DUS3L: variants seen among roughly 807,000 people sequenced by gnomAD.
The protein encoded by DUS3L is tRNA-dihydrouridine(47) synthase [NAD(P)(+)]-like.
DUS3L carries 62 observed loss-of-function variants against 74.6 expected under a neutral mutation model. That is an observed-to-expected ratio of 0.83 (90% CI 0.68 to 1.03). The LOEUF is 1.03. DUS3L is among the 50% of genes least tolerant of loss of function. DUS3L has a pLI of 0.00. For missense variants in DUS3L, 884 were observed against 924.4 expected (o/e 0.96, Z 0.57); for synonymous variants, 433 against 395.7 (o/e 1.09, Z -1.12).
Position 5,788,121 on chromosome 19 carries a change from CAT to C in DUS3L, c.996_997del (p.Cys333TrpfsTer26), listed in dbSNP as rs780552701. 64 of 1,613,624 alleles carry C rather than the reference CAT, an allele frequency of 4.0e-5. No individual in the cohort carries two copies. The highest frequency in any genetic ancestry group is 7.7e-5 in the South Asian group (7 of 91,096). Reference sequence around the variant, plus strand: ...GTTGGTGCAGACGGCCATCTCTCCACATGTCACATCCGCCCCGAAGCGCTTGC... The same window carrying C: ...GTTGGTGCAGACGGCCATCTCTCCACGTCACATCCGCCCCGAAGCGCTTGC... On this transcript the variant is annotated frameshift_variant, in exon 5 of 13. Transcript: ENST00000309061. LOFTEE classifies it high-confidence loss of function.
At chr19:5,791,007 A>G in intron 1 of DUS3L, 37 bp downstream of exon 1, 2 of 1,557,656 alleles carry the variant, frequency 1.3e-6, no homozygotes, top group Non-Finnish European at 1.7e-6. Context: ...GGTGCCGGAA[A>G]AGGCCCTTCA....
At position 5,789,411 on chromosome 19, in the gene DUS3L, C is replaced by T; in HGVS notation, c.696G>A (p.Leu232=). The T allele has an allele frequency of 6.3e-7, 1 of 1,595,782 alleles. No individual in the cohort carries two copies. The highest frequency in any genetic ancestry group is 1.1e-5 in the South Asian group (1 of 89,834). ...EVRFERAEQA[L]RRFSQGPTPA... ...GTGTGGGGCCCTGGCTGAACCGGCG[C>T]AGGGCCTGCTCAGCTCGCTCGAAGC... Residue 232 remains leucine (L), a synonymous_variant, in exon 3 of 13, where the codon CTG becomes CTA. Coordinates refer to ENST00000309061, the MANE Select transcript of DUS3L (RefSeq NM_020175.3).
intron 6 of DUS3L, 81 bp from the exon 7 acceptor site, chr19:5,787,442 A>G: frequency 6.5e-7 from 1 of 1,544,288 alleles, no homozygotes; most frequent in Non-Finnish European, 8.9e-7. Context: ...GGAGGCCCCC[A>G]CCAGGAGACG....
chr19:5,787,422 C>T (rs2056864680), intron 6 of DUS3L, 61 bp from the exon 7 acceptor site: 1 of 1,585,250 alleles, frequency 6.3e-7, no homozygotes, highest in African/African-American at 1.3e-5. Flanking sequence ...ACCCCTCACC[C>T]CTGCTGCCCG....
rs3745641 is a variant in DUS3L at position 5,785,526 on chromosome 19, C to G, written c.1752-15G>C. ...CGGGCACGTACCTGCGGCGGGTGGG[C>G]GGGCAGGACAGGCTTGAGTCAGCTC... On this transcript the variant is annotated splice_polypyrimidine_tract_variant and intron_variant, in intron 11 of 12. Coordinates refer to ENST00000309061, the MANE Select transcript of DUS3L (RefSeq NM_020175.3). 16 of 1,516,446 alleles carry G rather than the reference C, an allele frequency of 1.1e-5. No homozygotes were observed. The highest frequency in any genetic ancestry group is 5.1e-5 in the South Asian group (4 of 78,180). The allele number at this position is 1,516,446 out of a possible 1,614,324, so 93.9% of individuals were successfully genotyped here. A position where few individuals can be genotyped will look rare whatever the true frequency, so the allele number is the denominator to read the frequency against.
At chr19:5,786,400 G>A (rs891958933) in intron 10 of DUS3L, 67 bp downstream of exon 10, 32 of 1,499,770 alleles carry the variant, frequency 2.1e-5, no homozygotes, top group East Asian at 9.2e-5. Context: ...GGTGGGTGAC[G>A]GCGTGTTGGG....
At chr19:5,789,943 G>A in intron 2 of DUS3L, 104 bp downstream of exon 2, 5 of 1,481,614 alleles carry the variant, frequency 3.4e-6, no homozygotes, top group South Asian at 1.3e-5. Context: ...CAAGCTCACT[G>A]CTCGTTGCTG....
chr19:5,789,064 G>A (rs1481340818), intron 3 of DUS3L, 143 bp downstream of exon 3: 2 of 1,254,872 alleles, frequency 1.6e-6, no homozygotes, highest in Admixed American at 3.3e-5. Flanking sequence ...AGAGCACAGA[G>A]AGGGAGACTC....
chr19:5,788,417 A>G lies in DUS3L; in HGVS notation c.901-19T>C. On this transcript the variant is annotated intron_variant, in intron 3 of 12. Transcript: ENST00000309061. ...TGTCCAGCTGGAGGGAAAAAAATACACACAAGTGGAGCTTGGCCTCCACCC... is the reference window on the plus strand; with the variant it reads ...TGTCCAGCTGGAGGGAAAAAAATACGCACAAGTGGAGCTTGGCCTCCACCC... 1 of 1,609,876 alleles carries G rather than the reference A, an allele frequency of 6.2e-7. No individual in the cohort carries two copies. The highest frequency in any genetic ancestry group is 2.2e-5 in the East Asian group (1 of 44,710).
At chr19:5,786,320 C>T (rs1024766289) in intron 10 of DUS3L, 147 bp downstream of exon 10, 16 of 739,084 alleles carry the variant, frequency 2.2e-5, no homozygotes, top group African/African-American at 1.6e-4. Flanking sequence ...TCTGCCGCAA[C>T]GCAGCTGCAA....
rs1330365830 is a variant in DUS3L, at chr19:5,790,348, AG to A, written c.99-14del. ...GGTGGTGAGGTATCTGCCGACAGAA[AG>A]GGAAAGGAAAACCCTCCGAACATAG... On this transcript the variant is annotated splice_polypyrimidine_tract_variant and intron_variant, in intron 1 of 12. Transcript: ENST00000309061. 1 of 1,613,594 alleles carries A rather than the reference AG, an allele frequency of 6.2e-7. No individual in the cohort carries two copies. The highest frequency in any genetic ancestry group is 1.3e-5 in the African/African-American group (1 of 74,894).
rs2056870970 is a variant in DUS3L at position 5,788,004 on chromosome 19, C to G, written c.1095+20G>C. The G allele has an allele frequency of 6.2e-7, 1 of 1,610,570 alleles. No individual in the cohort carries two copies. The highest frequency in any genetic ancestry group is 8.5e-7 in the Non-Finnish European group (1 of 1,179,438). On this transcript the variant is annotated intron_variant, in intron 5 of 12. Transcript: ENST00000309061. ...GGCCGAGGGCCCCTCCACTCTCCCT[C>G]CCTCGGGGTGGGCACTGACCTGGAC...
Position 5,786,771 on chromosome 19 carries a change from G to A in DUS3L, c.1464C>T (p.Ala488=), listed in dbSNP as rs376646059. Residue 488 remains alanine (A), a synonymous_variant, in exon 9 of 13, where the codon GCC becomes GCT. Transcript: ENST00000309061. ...DWQYIEECVQ[A]ASPMPLFGNG... ...CACCGAACAGGGGCATGGGGCTGGC[G>A]GCCTGCACGCACTCCTCGATGTACT... 55 of 1,612,044 alleles carry A rather than the reference G, an allele frequency of 3.4e-5. No homozygotes were observed. The East Asian group carries it at 4.0e-4, about 12-fold the overall frequency.
intron 7 of DUS3L, 34 bp downstream of exon 7, chr19:5,787,262 T>TGGGAGACAG (rs2144732066): frequency 2.3e-5 from 5 of 218,242 alleles, no homozygotes; most frequent in Non-Finnish European, 3.5e-5. Context: ...GGGGAGTTGT[T>TGGGAGACAG]TGGGAGCCAG....
chr19:5,785,235 A>C lies in DUS3L; in HGVS notation c.1921T>G (p.Leu641Val), dbSNP rs754178877. The change falls in exon 13 of 13, where the codon TTG (leucine) becomes GTG (valine). Residue 641 changes from leucine to valine, a missense_variant. By Grantham distance (32) the Leu-to-Val change is conservative. Coordinates refer to ENST00000309061, the MANE Select transcript of DUS3L (RefSeq NM_020175.3). ...LGPVPPSFAF[L>V]PKHKANAYK ...TACGCGTTGGCCTTGTGCTTCGGCA[A>C]GAAGGCGAAGCTGGGGGGCACTGGC... 6.2e-7 allele frequency: 1 copy of C among 1,610,644 alleles called. No homozygotes were observed. The highest frequency in any genetic ancestry group is 1.1e-5 in the South Asian group (1 of 90,562).
In DUS3L at chr19:5,788,406, GA is replaced by G. The variant is rs761915240; in HGVS notation, c.901-9del. The stretch of plus-strand genomic sequence containing the variant: ...TTTGCCACGGATGTCCAGCTGGAGG[GA>G]AAAAAATACACACAAGTGGAGCTTG... On this transcript the variant is annotated splice_polypyrimidine_tract_variant and intron_variant, in intron 3 of 12. Coordinates refer to ENST00000309061, the MANE Select transcript of DUS3L (RefSeq NM_020175.3). The G allele has an allele frequency of 3.1e-6, 5 of 1,612,330 alleles. No homozygotes were observed. Among genetic ancestry groups the G allele is most frequent in the Admixed American group, 1.7e-5 (1 of 59,792 alleles).
rs758915723 is a variant in DUS3L at position 5,785,207 on chromosome 19, T to C, written c.1949A>G (p.Lys650Arg). Reference sequence around the variant, plus strand: ...TGCCCCTGGGAAAGCCTGAGGCTACTTGTACGCGTTGGCCTTGTGCTTCGG... The same window carrying C: ...TGCCCCTGGGAAAGCCTGAGGCTACCTGTACGCGTTGGCCTTGTGCTTCGG... ...FLPKHKANAY[K>R] Residue 650 changes from lysine to arginine, a missense_variant, in exon 13 of 13, where the codon AAG (lysine) becomes AGG (arginine). By Grantham distance (26) the Lys-to-Arg change is conservative. Transcript: ENST00000309061. 5.0e-6 allele frequency: 8 copies of C among 1,606,388 alleles called. No homozygotes were observed. Among genetic ancestry groups the C allele is most frequent in the Middle Eastern group, 1.6e-4 (1 of 6,070 alleles).
intron 1 of DUS3L, 165 bp downstream of exon 1, chr19:5,790,879 C>T: frequency 1.5e-6 from 1 of 672,622 alleles, no homozygotes; most frequent in Non-Finnish European, 2.6e-6. Context: ...TGCACGATCT[C>T]AGGTACCTCC....
intron 1 of DUS3L, chr19:5,790,839 T>A (rs1036093543): frequency 4.9e-6 from 3 of 608,562 alleles, no homozygotes; most frequent in Non-Finnish European, 8.8e-6. Flanking sequence ...ATGCACGTGG[T>A]GTCCTTCGCG....
Sources: gnomAD v4.1 joint callset for allele counts on GRCh38, gnomAD v4.1.1 for gene constraint, MANE v1.5 for transcripts, NCBI Gene and HGNC (gene_info 2026-07-23, HGNC 2026-07-21) for gene names.